TPCN2: variants seen among roughly 807,000 people sequenced by gnomAD.
TPCN2 encodes the protein two pore segment channel 2, also known as two pore channel protein 2.
TPCN2 carries 92 observed loss-of-function variants against 111.4 expected under a neutral mutation model. The ratio of observed to expected loss-of-function variants is 0.83; its 90% CI spans 0.70 to 0.98. The LOEUF (loss-of-function observed/expected upper bound fraction) is 0.98, where lower values mean the gene tolerates loss of function less well. Ranked by LOEUF, TPCN2 falls within the 50% of genes least tolerant of loss-of-function variation. The pLI, the probability that TPCN2 is intolerant of heterozygous loss-of-function variation, is 0.00. For missense variants in TPCN2, 995 were observed against 980.1 expected (o/e 1.02, Z -0.20); for synonymous variants, 405 against 414.5 (o/e 0.98, Z 0.28).
intron 5 of TPCN2, among the ~76,000 whole-genome samples, chr11:69,059,617 A>G (rs183192976): frequency 9.3e-4 from 142 of 152,316 alleles, no homozygotes; most frequent in Middle Eastern, 6.8e-3. Flanking sequence ...ACAGCCAGCT[A>G]CTGTGGGCCC....
In TPCN2 at chr11:69,063,948, T is replaced by G. The variant is rs372631880; in HGVS notation, c.707T>G (p.Leu236Arg). Reference sequence around the variant, plus strand: ...TGCCTCTTCACCATGTTCGGAATGCTGCTGTTCGCTGGTGGGAAGGTAGGG... The same window carrying G: ...TGCCTCTTCACCATGTTCGGAATGCGGCTGTTCGCTGGTGGGAAGGTAGGG... ...HLCLFTMFGM[L>R]LFAGGKQDDG... The change falls in exon 7 of 25, where the codon CTG (leucine) becomes CGG (arginine). Residue 236 changes from leucine to arginine, a missense_variant. Transcript: ENST00000294309. The G allele has an allele frequency of 6.2e-7, 1 of 1,614,000 alleles. No homozygotes were observed. The highest frequency in any genetic ancestry group is 1.3e-5 in the African/African-American group (1 of 74,924).
rs183750570 is a variant in TPCN2 at position 69,074,278 on chromosome 11, C to T, written c.1230+1277C>T. On this transcript the variant is annotated intron_variant, in intron 13 of 24. Transcript: ENST00000294309. Reference sequence around the variant, plus strand: ...CACGCACTCGTCCCCATCCTCACTTCGGGCATCCTCTTTAGGGCTGCATTC... The same window carrying T: ...CACGCACTCGTCCCCATCCTCACTTTGGGCATCCTCTTTAGGGCTGCATTC... Among the ~76,000 whole-genome samples the T allele has an allele frequency of 1.2e-4, 19 of 152,372 alleles. 1 individual carries two copies. The highest frequency in any genetic ancestry group is 3.8e-4 in the African/African-American group (16 of 41,590).
At chr11:69,070,848 G>A in intron 9 of TPCN2, among the ~76,000 whole-genome samples, 1 of 142,538 alleles carries the variant, frequency 7.0e-6, no homozygotes. Context: ...TTCACCCCAG[G>A]GATCCCTCAC....
In TPCN2 at chr11:69,055,310, G is replaced by C; in HGVS notation, c.387G>C (p.Glu129Asp). Reference protein sequence around the residue: ...EPPCGLTESVEVLCLLVFAAD... With the variant: ...EPPCGLTESVDVLCLLVFAAD... ...CCTGCGGCCTGACCGAGAGTGTCGA[G>C]GTGCTCTGCCTGCTGGTCTTTGCGG... Residue 129 changes from glutamate to aspartate, a missense_variant, in exon 4 of 25, where the codon GAG (glutamate) becomes GAC (aspartate). Transcript: ENST00000294309. 1.2e-6 allele frequency: 2 copies of C among 1,613,388 alleles called. No individual in the cohort carries two copies. The highest frequency in any genetic ancestry group is 1.7e-6 in the Non-Finnish European group (2 of 1,179,876).
Position 69,087,897 on chromosome 11 carries a change from G to A in TPCN2, c.2203G>A (p.Glu735Lys). Residue 735 changes from glutamate (E) to lysine (K), a missense_variant, in exon 25 of 25, where the codon GAG (glutamate) becomes AAG (lysine). By Grantham distance (56) the Glu-to-Lys change is moderately conservative (BLOSUM62 1). Transcript: ENST00000294309. ...LFRDILEEPGEDELTERLSQH... is the reference protein window; with the variant it reads ...LFRDILEEPGKDELTERLSQH... ...CAGGGATATTCTGGAGGAGCCCGGG[G>A]AGGATGAGCTCACAGAGAGGCTGAG... 3 of 1,612,696 alleles carry A rather than the reference G, an allele frequency of 1.9e-6. No homozygotes were observed. Among genetic ancestry groups the A allele is most frequent in the Non-Finnish European group, 2.5e-6 (3 of 1,179,900 alleles).
At chr11:69,063,260 G>C (rs142642650) in intron 6 of TPCN2, among the ~76,000 whole-genome samples, 2,201 of 151,970 alleles carry the variant, frequency 0.014, 47 homozygotes, top group African/African-American at 0.051. Flanking sequence ...AGTCCCATGG[G>C]CACTCTCTCC....
At chr11:69,071,660 G>A (rs557495222) in intron 10 of TPCN2, among the ~76,000 whole-genome samples, 7 of 152,344 alleles carry the variant, frequency 4.6e-5, no homozygotes, top group South Asian at 2.1e-4. Context: ...AGCTGGGGGC[G>A]CCCCCAACAC....
intron 6 of TPCN2, among the ~76,000 whole-genome samples, chr11:69,063,543 C>G (rs918557054): frequency 6.6e-6 from 1 of 152,052 alleles, no homozygotes; most frequent in African/African-American, 2.4e-5. Context: ...CAGCGTTGCC[C>G]GAGTCCCTAG....
chr11:69,079,010 T>C lies in TPCN2; in HGVS notation c.1529T>C (p.Val510Ala), dbSNP rs755934380. The part of the protein sequence containing the change: ...PSNVFDGLLT[V>A]VLLVLEISTL... ...AACGTGTTTGACGGGCTCCTCACCG[T>C]TGTCCTGCTGGTAAAGTAGGCGCAT... Residue 510 changes from valine to alanine, a missense_variant, in exon 16 of 25, where the codon GTT becomes GCT. Transcript: ENST00000294309. 1 of 1,611,220 alleles carries C rather than the reference T, an allele frequency of 6.2e-7. No individual in the cohort carries two copies. Among genetic ancestry groups the C allele is most frequent in the South Asian group, 1.1e-5 (1 of 90,736 alleles).
chr11:69,054,162 T>G lies in TPCN2; in HGVS notation c.174+65T>G, dbSNP rs573138031. The G allele has an allele frequency of 5.7e-5, 79 of 1,396,070 alleles. No individual in the cohort carries two copies. In the Middle Eastern group the frequency reaches 6.4e-4, roughly 11 times the overall value. The allele number at this position is 1,396,070 out of a possible 1,614,324, so 86.5% of individuals were successfully genotyped here. A position where few individuals can be genotyped will look rare whatever the true frequency, so the allele number is the denominator to read the frequency against. ...GGCCGCCCTCCGATTGGCTCGCCCC[T>G]CCAGGGGCGACTGACTGGGTCCAAG... is the stretch of plus-strand genomic sequence containing the variant. On this transcript the variant is annotated intron_variant, in intron 2 of 24. Transcript: ENST00000294309.
At chr11:69,064,964 C>CTG (rs35034759) in intron 7 of TPCN2, among the ~76,000 whole-genome samples, 64,433 of 147,330 alleles carry the variant, frequency 0.44, 14,467 homozygotes, top group Non-Finnish European at 0.5. Flanking sequence ...TGTGTAGTGT[C>CTG]TGTGCATGGT....
chr11:69,054,196 T>A, intron 2 of TPCN2, 99 bp downstream of exon 2: 1 of 931,470 alleles, frequency 1.1e-6, no homozygotes. Context: ...AGGCCTCCAT[T>A]GCTGGACTGT....
intron 6 of TPCN2, among the ~76,000 whole-genome samples, chr11:69,063,491 C>T (rs564467040): frequency 6.2e-4 from 94 of 152,200 alleles, no homozygotes; most frequent in African/African-American, 2.2e-3. Flanking sequence ...CTCGGCTCAC[C>T]CCTGGTCCCG....
At position 69,087,098 on chromosome 11, in the gene TPCN2, C is replaced by T. The variant is rs369795432; in HGVS notation, c.2086-14C>T. The T allele has an allele frequency of 5.5e-5, 89 of 1,612,330 alleles. No individual in the cohort carries two copies. The highest frequency in any genetic ancestry group is 7.2e-5 in the Non-Finnish European group (85 of 1,178,722). On this transcript the variant is annotated splice_polypyrimidine_tract_variant and intron_variant, in intron 23 of 24. Transcript: ENST00000294309. Reference sequence around the variant, plus strand: ...CGGGGCCCACACTCACTGGCCACTCCTCCTGCTTGCCAGAACTTCCTTCAC... The same window carrying T: ...CGGGGCCCACACTCACTGGCCACTCTTCCTGCTTGCCAGAACTTCCTTCAC...
intron 10 of TPCN2, among the ~76,000 whole-genome samples, chr11:69,071,719 T>C (rs3750957): frequency 0.44 from 66,249 of 152,032 alleles, 14,846 homozygotes; most frequent in Non-Finnish European, 0.5. Flanking sequence ...CCCGTCAGAC[T>C]CCTTCCTGTG....
At chr11:69,087,284 C>T (rs576691627) in intron 24 of TPCN2, 78 bp downstream of exon 24, 84 of 1,286,934 alleles carry the variant, frequency 6.5e-5, no homozygotes, top group African/African-American at 5.7e-4. Flanking sequence ...GGGGTTGAGG[C>T]GGCGGGCAGG....
chr11:69,058,780 C>G (rs1412210668), intron 5 of TPCN2, among the ~76,000 whole-genome samples: 1 of 152,262 alleles, frequency 6.6e-6, no homozygotes, highest in Admixed American at 6.5e-5. Flanking sequence ...CCGCAGCCTC[C>G]TCCCTGCAAA....
At chr11:69,085,779 C>G (rs1565096468) in intron 21 of TPCN2, 27 bp downstream of exon 21, 7 of 1,593,758 alleles carry the variant, frequency 4.4e-6, no homozygotes, top group Admixed American at 1.7e-5. Flanking sequence ...GTCCCAGCAC[C>G]CTGCTCCCCG....
rs1855442125 is a variant in TPCN2, at chr11:69,069,863, T to G, written c.830-567T>G. Among the ~76,000 whole-genome samples, 2 of 152,056 alleles carry G rather than the reference T, an allele frequency of 1.3e-5. 1 individual carries two copies. Among genetic ancestry groups the G allele is most frequent in the African/African-American group, 4.8e-5 (2 of 41,390 alleles). On this transcript the variant is annotated intron_variant, in intron 8 of 24. Transcript: ENST00000294309. ...ACTGTGGGGAGGGCTGCAGGGAGGT[T>G]TCAGCTCTGTGTGCAGAGGGACATC...
Sources: allele counts gnomAD v4.1 joint callset (sites outside exome capture counted in the v4.1 genomes callset), GRCh38; gene constraint gnomAD v4.1.1; transcripts MANE v1.5; gene names NCBI Gene and HGNC (gene_info 2026-07-23, HGNC 2026-07-21).